Variants in BCAS3 observed in about 807,000 individuals in gnomAD.
The protein encoded by BCAS3 is BCAS4/BCAS3 fusion.
A neutral mutation model predicts 116.1 loss-of-function variants in BCAS3; 53 were observed. The ratio of observed to expected loss-of-function variants is 0.46; its 90% CI spans 0.37 to 0.57. The LOEUF is 0.57. BCAS3 is among the 20% of genes least tolerant of loss of function. The pLI is 0.00. For synonymous variants in BCAS3, 391 were observed against 408.2 expected (o/e 0.96, Z 0.51); for missense variants, 917 against 1,165.4 (o/e 0.79, Z 3.10).
rs1352453712 is a variant in BCAS3 at position 61,236,502 on chromosome 17, A to G, written c.2426-131825A>G. 2.6e-5 allele frequency among the ~76,000 whole-genome samples: 4 copies of G among 152,092 alleles called. No homozygotes were observed. The South Asian group carries it at 6.2e-4, about 24-fold the overall frequency. ...GCCTGGCTAATTTTTTTGTATTTTT[A>G]GTAGAGACGGGGTTTCACTGTGTTA... On this transcript the variant is annotated intron_variant, in intron 22 of 23. Transcript: ENST00000407086.
At chr17:60,943,487 T>C (rs1452594947) in intron 13 of BCAS3, among the ~76,000 whole-genome samples, 1 of 151,924 alleles carries the variant, frequency 6.6e-6, no homozygotes, top group Admixed American at 6.6e-5. Flanking sequence ...ATAACCACGG[T>C]TAAATCATGT....
Position 61,026,883 on chromosome 17 carries a change from C to T in BCAS3, c.1638-7783C>T, listed in dbSNP as rs775333599. Reference sequence around the variant, plus strand: ...CCATGAAGGCCTTATCTCTTTGGAGCGGGGTGTTTTTCCATAAAAGCCCCA... The same window carrying T: ...CCATGAAGGCCTTATCTCTTTGGAGTGGGGTGTTTTTCCATAAAAGCCCCA... On this transcript the variant is annotated intron_variant, in intron 16 of 23. Coordinates refer to ENST00000407086, the MANE Select transcript of BCAS3 (RefSeq NM_017679.5). This position sits in a 1 kb window ranked among gnomAD's most constrained non-coding sequence, Gnocchi z 5.0. 33 of 1,601,016 alleles carry T rather than the reference C, an allele frequency of 2.1e-5. No homozygotes were observed. The highest frequency in any genetic ancestry group is 4.5e-5 in the South Asian group (4 of 88,398).
intron 12 of BCAS3, among the ~76,000 whole-genome samples, chr17:60,923,556 A>T (rs1220571538): frequency 6.6e-6 from 1 of 152,134 alleles, no homozygotes; most frequent in African/African-American, 2.4e-5. Context: ...TTTTTGAGAG[A>T]AAAAAATAGC....
chr17:61,024,401 GT>G (rs1318168418), intron 16 of BCAS3, among the ~76,000 whole-genome samples: 3 of 152,104 alleles, frequency 2.0e-5, no homozygotes, highest in African/African-American at 7.2e-5. Flanking sequence ...TTCTCCTTGA[GT>G]TCTGTTAGCC....
At chr17:61,005,106 C>T (rs2064566917) in intron 15 of BCAS3, among the ~76,000 whole-genome samples, 1 of 152,074 alleles carries the variant, frequency 6.6e-6, no homozygotes, top group Non-Finnish European at 1.5e-5. Context: ...GTCATTATTT[C>T]TCAACTGGGG....
intron 22 of BCAS3, among the ~76,000 whole-genome samples, chr17:61,137,693 C>T (rs577535213): frequency 1.4e-4 from 21 of 152,302 alleles, no homozygotes; most frequent in African/African-American, 3.1e-4. Flanking sequence ...CACTTGAACC[C>T]GGAAGGCAGA....
intron 12 of BCAS3, 81 bp downstream of exon 12, chr17:60,910,783 G>A: frequency 7.9e-7 from 1 of 1,259,614 alleles, no homozygotes; most frequent in Non-Finnish European, 1.1e-6. Flanking sequence ...AATGTATTTG[G>A]CCTAGGAGAT....
intron 7 of BCAS3, among the ~76,000 whole-genome samples, chr17:60,849,053 C>A (rs1341003218): frequency 6.6e-6 from 1 of 152,040 alleles, no homozygotes; most frequent in African/African-American, 2.4e-5. Context: ...AGTTTTTATT[C>A]CCCAGTATAT....
chr17:60,715,638 G>A (rs976747896), intron 5 of BCAS3, among the ~76,000 whole-genome samples: 44 of 151,528 alleles, frequency 2.9e-4, no homozygotes, highest in African/African-American at 8.5e-4. Context: ...ACAGGTGCAC[G>A]CCCCATGTCC....
chr17:60,754,140 A>T (rs2042763772), intron 6 of BCAS3, among the ~76,000 whole-genome samples: 1 of 152,026 alleles, frequency 6.6e-6, no homozygotes, highest in Admixed American at 6.5e-5. Flanking sequence ...GGCTCAAGTG[A>T]TCCTCCTGCC....
chr17:61,074,854 G>T, intron 19 of BCAS3, 66 bp from the exon 20 acceptor site: 1 of 1,059,558 alleles, frequency 9.4e-7, no homozygotes, highest in Non-Finnish European at 1.4e-6. Flanking sequence ...CAAAATGGTT[G>T]TGCCCACGTC....
At chr17:60,989,820 A>C (rs1338981990) in intron 14 of BCAS3, 151 bp from the exon 15 acceptor site, 1 of 776,600 alleles carries the variant, frequency 1.3e-6, no homozygotes, top group African/African-American at 1.8e-5. Flanking sequence ...TGTGAAATGC[A>C]TCTGTAGAGT....
At chr17:60,906,719 T>A (rs2058209691) in intron 11 of BCAS3, among the ~76,000 whole-genome samples, 1 of 152,174 alleles carries the variant, frequency 6.6e-6, no homozygotes, top group Non-Finnish European at 1.5e-5. Flanking sequence ...TTAGTGGAAA[T>A]CAGATTGATC....
At chr17:61,294,032 G>A (rs1448396627) in intron 22 of BCAS3, among the ~76,000 whole-genome samples, 1 of 152,168 alleles carries the variant, frequency 6.6e-6, no homozygotes, top group Non-Finnish European at 1.5e-5. Context: ...CAAAGTACTG[G>A]GATTACAGGC....
In BCAS3 at chr17:61,019,838, A is replaced by G. The variant is rs7216420; in HGVS notation, c.1637+3937A>G. 0.047 allele frequency among the ~76,000 whole-genome samples: 7,139 copies of G among 152,248 alleles called. 551 individuals carry two copies. Among genetic ancestry groups the G allele is most frequent in the African/African-American group, 0.16 (6,732 of 41,516 alleles). On this transcript the variant is annotated intron_variant, in intron 16 of 23. Coordinates refer to ENST00000407086, the MANE Select transcript of BCAS3 (RefSeq NM_017679.5). This position sits in a 1 kb window ranked among gnomAD's most constrained non-coding sequence, Gnocchi z 5.6. Reference sequence around the variant, plus strand: ...GAGCACATGAGAGTTTTCATTTTCCATGTCTCTTTTTATTCTGGAAATTCT... The same window carrying G: ...GAGCACATGAGAGTTTTCATTTTCCGTGTCTCTTTTTATTCTGGAAATTCT...
intron 7 of BCAS3, among the ~76,000 whole-genome samples, chr17:60,860,197 G>T (rs558610889): frequency 1.9e-4 from 29 of 152,250 alleles, no homozygotes; most frequent in African/African-American, 6.0e-4. Flanking sequence ...CATTCTGACT[G>T]GTGTGAGAAG....
chr17:60,727,382 G>A (rs888017988), intron 5 of BCAS3: 19 of 1,577,758 alleles, frequency 1.2e-5, no homozygotes, highest in Non-Finnish European at 1.7e-5. Flanking sequence ...CTTTCCCTGG[G>A]CATACAAGGA....
chr17:61,267,801 A>C (rs972596504), intron 22 of BCAS3, among the ~76,000 whole-genome samples: 1 of 151,982 alleles, frequency 6.6e-6, no homozygotes, highest in Admixed American at 6.6e-5. Context: ...AAAGCCAGGA[A>C]GTACTGTGTA....
In BCAS3 at chr17:60,770,337, T is replaced by A. The variant is rs144113343; in HGVS notation, c.403+23058T>A. Among the ~76,000 whole-genome samples, 340 of 150,238 alleles carry A rather than the reference T, an allele frequency of 2.3e-3. 6 individuals carry two copies. Among genetic ancestry groups the A allele is most frequent in the East Asian group, 0.018 (88 of 5,010 alleles). ...CCAGTTCATAGTCCATCCCAGCTTCTCTCTCCTTACTTGTTACTTGCTTTT... is the reference window on the plus strand; with the variant it reads ...CCAGTTCATAGTCCATCCCAGCTTCACTCTCCTTACTTGTTACTTGCTTTT... On this transcript the variant is annotated intron_variant, in intron 6 of 23. Transcript: ENST00000407086.
Sources: allele counts gnomAD v4.1 joint callset (sites outside exome capture counted in the v4.1 genomes callset), GRCh38; gene constraint gnomAD v4.1.1; non-coding constraint Gnocchi (gnomAD v3.1); transcripts MANE v1.5; gene names NCBI Gene and HGNC (gene_info 2026-07-23, HGNC 2026-07-21).